Variants in DET1 observed in about 807,000 individuals in gnomAD.
DET1 encodes DET1 homolog.
Under a neutral mutation model 43.7 loss-of-function variants are expected in DET1, and 22 were observed. The observed-to-expected ratio is 0.50, with a 90% CI of 0.36 to 0.72. The LOEUF is 0.72. DET1 is among the 30% of genes least tolerant of loss of function. The pLI, the probability that DET1 is intolerant of heterozygous loss-of-function variation, is 0.00. For synonymous variants in DET1, 315 were observed against 266.2 expected (o/e 1.18, Z -1.79); for missense variants, 713 against 713.3 (o/e 1.00, Z 0.00).
chr15:88,524,791 A>G (rs1039387598), intron 3 of DET1, among the ~76,000 whole-genome samples: 3 of 152,088 alleles, frequency 2.0e-5, no homozygotes, highest in African/African-American at 7.2e-5. Flanking sequence ...AATCTCAAGT[A>G]CCCAGGGACA....
In DET1 at chr15:88,516,775, A is replaced by T; in HGVS notation, c.1463+7T>A. On this transcript the variant is annotated splice_region_variant and intron_variant, in intron 4 of 4. Coordinates refer to ENST00000268148, the MANE Select transcript of DET1 (RefSeq NM_001144074.3). The surrounding 1 kb of genome is among the most constrained non-coding windows in gnomAD (Gnocchi z 4.4). ...AGCAGTTTGTAGCTATAGCAGTGAC[A>T]CTGTACCTGATTGGGTGATCTCCAC... 1 of 1,562,814 alleles carries T rather than the reference A, an allele frequency of 6.4e-7. No homozygotes were observed. Among genetic ancestry groups the T allele is most frequent in the Non-Finnish European group, 8.6e-7 (1 of 1,159,768 alleles).
Position 88,512,722 on chromosome 15 carries a change from C to T in DET1, c.*229G>A, listed in dbSNP as rs2056226545. The T allele has an allele frequency of 4.0e-6, 5 of 1,252,470 alleles. No individual in the cohort carries two copies. The East Asian group carries it at 1.2e-4, about 31-fold the overall frequency. The allele number at this position is 1,252,470 out of a possible 1,614,324, so 77.6% of individuals were successfully genotyped here. On this transcript the variant is annotated 3_prime_UTR_variant, in exon 5 of 5. Transcript: ENST00000268148. ...ACTTAATTAATGCTGGGCATTCCCA[C>T]AGGGAAAACGCAAGAGGATATTATA...
intron 1 of DET1, among the ~76,000 whole-genome samples, chr15:88,539,251 TAC>T (rs918982954): frequency 1.6e-3 from 247 of 152,212 alleles, no homozygotes; most frequent in African/African-American, 5.5e-3. Flanking sequence ...CGGCGAAAGC[TAC>T]ACAGTTTGAG....
At chr15:88,541,428 A>G (rs942349914) in intron 1 of DET1, among the ~76,000 whole-genome samples, 4 of 150,248 alleles carry the variant, frequency 2.7e-5, no homozygotes, top group African/African-American at 7.5e-5. Context: ...TTCTTTCTCT[A>G]TACTTTGTCT....
intron 1 of DET1, among the ~76,000 whole-genome samples, chr15:88,543,202 C>A (rs1240549994): frequency 6.6e-6 from 1 of 152,178 alleles, no homozygotes; most frequent in Non-Finnish European, 1.5e-5. Flanking sequence ...GACTTTAAGA[C>A]CTTGGAGACA....
intron 4 of DET1, 95 bp from the exon 5 acceptor site, chr15:88,513,235 A>C (rs2056242069): frequency 1.9e-5 from 25 of 1,298,522 alleles, no homozygotes; most frequent in Non-Finnish European, 2.4e-5. Context: ...GTGGCAACTC[A>C]TTATTTTACC....
intron 8 of DET1, chr15:88,503,865 T>C (rs191563640): frequency 1.3e-5 from 2 of 151,986 alleles, no homozygotes; most frequent in Admixed American, 1.3e-4. Flanking sequence ...CCAGGCATGG[T>C]GACATGTACC....
intron 1 of DET1, among the ~76,000 whole-genome samples, chr15:88,533,664 C>G (rs1297271876): frequency 6.6e-6 from 1 of 151,742 alleles, no homozygotes. Context: ...TATGTGAAGT[C>G]AAATAAGCCA....
chr15:88,520,121 G>C (rs1358367526), intron 3 of DET1, among the ~76,000 whole-genome samples: 1 of 152,122 alleles, frequency 6.6e-6, no homozygotes, highest in Non-Finnish European at 1.5e-5. Context: ...CACTTAAGCA[G>C]TTCTTCCACT....
rs545928766 is a variant in DET1, at chr15:88,514,972, G to A, written c.1463+1810C>T. On this transcript the variant is annotated intron_variant, in intron 4 of 4. Coordinates refer to ENST00000268148, the MANE Select transcript of DET1 (RefSeq NM_001144074.3). ...ATCTCATGGTACTTGACTCATATCA[G>A]ATAAGGCCCATCTTTTTTATGTATA... Among the ~76,000 whole-genome samples, 144 of 152,196 alleles carry A rather than the reference G, an allele frequency of 9.5e-4. 2 individuals are homozygous for A. Among genetic ancestry groups the A allele is most frequent in the Non-Finnish European group, 2.6e-4 (18 of 68,020 alleles).
downstream of DET1, among the ~76,000 whole-genome samples, chr15:88,510,218 C>A (rs2056182828): frequency 6.6e-6 from 1 of 152,016 alleles, no homozygotes; most frequent in African/African-American, 2.4e-5. Flanking sequence ...CAGAGGTGGG[C>A]AGTTTGAGGT....
chr15:88,530,943 T>C lies in DET1; in HGVS notation c.763A>G (p.Thr255Ala). Residue 255 changes from threonine (T) to alanine (A), a missense_variant, in exon 2 of 5, where the codon ACC (threonine) becomes GCC (alanine). Thr to Ala is a moderately conservative substitution (Grantham distance 58). Coordinates refer to ENST00000268148, the MANE Select transcript of DET1 (RefSeq NM_001144074.3). ...TCCTCATAGCAAAAGCGGCCAATGG[T>C]CCGCACATCAATGAAAGTGCCTTCA... is the stretch of plus-strand genomic sequence containing the variant. Reference protein sequence around the residue: ...TPEGTFIDVRTIGRFCYEDDL... With the variant: ...TPEGTFIDVRAIGRFCYEDDL... 6.2e-7 allele frequency: 1 copy of C among 1,613,984 alleles called. No homozygotes were observed. Among genetic ancestry groups the C allele is most frequent in the Non-Finnish European group, 8.5e-7 (1 of 1,179,888 alleles).
At chr15:88,523,921 C>G (rs2056578602) in intron 3 of DET1, among the ~76,000 whole-genome samples, 1 of 149,930 alleles carries the variant, frequency 6.7e-6, no homozygotes. Context: ...TGTGAGGAGC[C>G]CCTCTGCCCG....
At chr15:88,508,541 T>C (rs952545952), downstream of DET1, among the ~76,000 whole-genome samples, 4 of 152,120 alleles carry the variant, frequency 2.6e-5, no homozygotes, top group Non-Finnish European at 4.4e-5. Context: ...AAAAAACATA[T>C]ACTGTCCTAG....
chr15:88,521,457 G>A (rs1470159478), intron 3 of DET1, among the ~76,000 whole-genome samples: 1 of 152,188 alleles, frequency 6.6e-6, no homozygotes, highest in Admixed American at 6.5e-5. Context: ...GGTCTGACAG[G>A]TGGACAGTCA....
At chr15:88,545,174 A>G (rs1442163475) in intron 1 of DET1, among the ~76,000 whole-genome samples, 2 of 152,172 alleles carry the variant, frequency 1.3e-5, no homozygotes, top group Non-Finnish European at 2.9e-5. Flanking sequence ...TATGTACTAA[A>G]AAAAAAATTG....
chr15:88,538,092 T>C (rs1211308116), intron 1 of DET1, among the ~76,000 whole-genome samples: 1 of 152,216 alleles, frequency 6.6e-6, no homozygotes, highest in Non-Finnish European at 1.5e-5. Flanking sequence ...CATTTGGTAC[T>C]TTATGGAACG....
rs746312260 is a variant in DET1, at chr15:88,516,934, G to A, written c.1311C>T (p.His437=). 2.5e-6 allele frequency: 4 copies of A among 1,606,826 alleles called. No homozygotes were observed. The South Asian group carries it at 4.5e-5, about 18-fold the overall frequency. The change falls in exon 4 of 5, where the codon CAC becomes CAT. Residue 437 remains histidine (H), a synonymous_variant. Transcript: ENST00000268148. The surrounding 1 kb of genome is among the most constrained non-coding windows in gnomAD (Gnocchi z 4.4). The stretch of plus-strand genomic sequence containing the variant: ...CCAGCAGCCGGCGTACTGCCTCTGT[G>A]TGCCCTCCATACTTGGCATTTATAA... The part of the protein sequence containing the change: ...DTIINAKYGG[H]TEAVRRLLGQ...
chr15:88,507,676 A>G (rs2056155705), downstream of DET1, among the ~76,000 whole-genome samples: 1 of 152,238 alleles, frequency 6.6e-6, no homozygotes. Flanking sequence ...TGAGGATGTC[A>G]GTGAAGTAAC....
Sources: gnomAD v4.1 joint callset for allele counts (sites outside exome capture counted in the v4.1 genomes callset) on GRCh38, gnomAD v4.1.1 for gene constraint, Gnocchi (gnomAD v3.1) non-coding constraint, MANE v1.5 for transcripts, NCBI Gene and HGNC (gene_info 2026-07-23, HGNC 2026-07-21) for gene names.